The following ARL15 variants were observed in gnomAD, a reference collection of about 807,000 sequenced individuals.
ARL15 encodes the protein ARF like GTPase 15.
ARL15 carries 19 observed loss-of-function variants against 25.2 expected under a neutral mutation model. That is an observed-to-expected ratio of 0.75 (90% CI 0.53 to 1.10). The LOEUF (loss-of-function observed/expected upper bound fraction) is 1.10, where lower values mean the gene tolerates loss of function less well. Among genes scored for constraint, ARL15 ranks in the 50% least tolerant of loss-of-function variants. The pLI, the probability that ARL15 is intolerant of heterozygous loss-of-function variation, is 0.00. For synonymous variants in ARL15, 94 were observed against 86.8 expected, an observed-to-expected ratio of 1.08 and a Z score of -0.46; for missense variants, 220 against 246.0, an observed-to-expected ratio of 0.89 and a Z score of 0.71.
chr5:54,211,590 C>G (rs1756044187), intron 1 of ARL15, among the ~76,000 whole-genome samples: 1 of 151,100 alleles, frequency 6.6e-6, no homozygotes, highest in Admixed American at 6.6e-5. Flanking sequence ...CCTGCCTCAG[C>G]CTCGCGAGTA....
intron 4 of ARL15, among the ~76,000 whole-genome samples, chr5:54,085,912 CAT>C (rs1561218188): frequency 2.1e-5 from 3 of 144,114 alleles, no homozygotes; most frequent in African/African-American, 8.0e-5. Context: ...AGGCACCACA[CAT>C]GAGCTTTTTT....
At chr5:54,198,643 A>C (rs1755626831) in intron 1 of ARL15, among the ~76,000 whole-genome samples, 1 of 150,372 alleles carries the variant, frequency 6.7e-6, no homozygotes, top group Non-Finnish European at 1.5e-5. Context: ...AATGAAATAA[A>C]AGAGGATACA....
chr5:53,956,681 T>C (rs1338751021), intron 4 of ARL15, among the ~76,000 whole-genome samples: 1 of 151,252 alleles, frequency 6.6e-6, no homozygotes, highest in Non-Finnish European at 1.5e-5. Flanking sequence ...GAGACAGAAA[T>C]TATAAAAAGG....
chr5:53,971,001 G>T (rs1219702240), intron 4 of ARL15, among the ~76,000 whole-genome samples: 1 of 152,144 alleles, frequency 6.6e-6, no homozygotes, highest in African/African-American at 2.4e-5. Flanking sequence ...GGAAAAAAGA[G>T]AGAGAAAAGT....
At chr5:54,265,982 G>A (rs925772820) in intron 1 of ARL15, among the ~76,000 whole-genome samples, 3 of 152,196 alleles carry the variant, frequency 2.0e-5, no homozygotes, top group Non-Finnish European at 4.4e-5. Context: ...GAGATGTTAA[G>A]TGACTTGCCC....
intron 4 of ARL15, among the ~76,000 whole-genome samples, chr5:53,906,127 T>C (rs1378538783): frequency 6.6e-6 from 1 of 152,162 alleles, no homozygotes; most frequent in East Asian, 1.9e-4. Flanking sequence ...TCAATTATAG[T>C]TTTCATAAAA....
chr5:53,938,588 G>A (rs1427335679), intron 4 of ARL15, among the ~76,000 whole-genome samples: 3 of 152,180 alleles, frequency 2.0e-5, no homozygotes, highest in African/African-American at 7.2e-5. Flanking sequence ...GCACTTGGGA[G>A]ACCAAGACAG....
intron 1 of ARL15, among the ~76,000 whole-genome samples, chr5:54,283,811 G>A (rs1046423298): frequency 6.6e-6 from 1 of 152,188 alleles, no homozygotes; most frequent in Non-Finnish European, 1.5e-5. Flanking sequence ...CTTTCTTGGG[G>A]TTAAGTGTTG....
intron 1 of ARL15, among the ~76,000 whole-genome samples, chr5:54,289,506 C>T (rs1758269392): frequency 6.6e-6 from 1 of 152,214 alleles, no homozygotes; most frequent in South Asian, 2.1e-4. Context: ...TTCCCAAACC[C>T]CTTGCATAGG....
intron 1 of ARL15, among the ~76,000 whole-genome samples, chr5:54,214,265 A>G (rs574855724): frequency 3.3e-5 from 5 of 152,202 alleles, no homozygotes; most frequent in Non-Finnish European, 7.3e-5. Context: ...ACTGGAGTAG[A>G]TAAGAGATAT....
At chr5:54,206,965 G>A (rs544681199) in intron 1 of ARL15, among the ~76,000 whole-genome samples, 1 of 152,306 alleles carries the variant, frequency 6.6e-6, no homozygotes, top group African/African-American at 2.4e-5. Flanking sequence ...AACTGGAAAG[G>A]CTCGTCTAGT....
chr5:53,894,726 G>C (rs532855073), intron 4 of ARL15, among the ~76,000 whole-genome samples: 1 of 152,224 alleles, frequency 6.6e-6, no homozygotes, highest in South Asian at 2.1e-4. Flanking sequence ...CCAGGCCTTT[G>C]CTCCAACTAC....
chr5:53,910,624 AAAAAAAAAT>A (rs1326094196), intron 4 of ARL15, among the ~76,000 whole-genome samples: 1 of 4,566 alleles, frequency 2.2e-4, no homozygotes, highest in African/African-American at 3.1e-4. Flanking sequence ...AAAGTATAAT[AAAAAAAAAT>A]TATATATATA....
intron 4 of ARL15, among the ~76,000 whole-genome samples, chr5:53,999,800 G>C (rs149161818): frequency 0.016 from 2,465 of 151,210 alleles, 88 homozygotes; most frequent in African/African-American, 0.056. Context: ...GGAGGCTGAG[G>C]CAGGAGAATC....
At chr5:54,034,768 C>T (rs1029810469) in intron 4 of ARL15, among the ~76,000 whole-genome samples, 10 of 152,078 alleles carry the variant, frequency 6.6e-5, no homozygotes, top group African/African-American at 2.2e-4. Context: ...AAGCAATCTT[C>T]GCACCTCAGC....
intron 4 of ARL15, among the ~76,000 whole-genome samples, chr5:54,103,856 C>A (rs768578211): frequency 2.6e-5 from 4 of 152,114 alleles, no homozygotes; most frequent in African/African-American, 9.7e-5. Flanking sequence ...ATGTGATTTT[C>A]GTATTTGTGC....
At chr5:54,075,098 G>A (rs1751555327) in intron 4 of ARL15, among the ~76,000 whole-genome samples, 1 of 47,578 alleles carries the variant, frequency 2.1e-5, no homozygotes, top group African/African-American at 6.4e-5. Context: ...AAAAAGTCCT[G>A]GCCTATCATT....
At chr5:53,931,367 A>C (rs1746190684) in intron 4 of ARL15, among the ~76,000 whole-genome samples, 1 of 152,246 alleles carries the variant, frequency 6.6e-6, no homozygotes, top group African/African-American at 2.4e-5. Flanking sequence ...TGTTTAAAGC[A>C]AATTACTGTC....
chr5:54,301,640 A>G (rs1758618228), intron 1 of ARL15, among the ~76,000 whole-genome samples: 5 of 152,352 alleles, frequency 3.3e-5, no homozygotes. Context: ...ATTTCTGTTT[A>G]GCTCCTGACT....
Sources: gnomAD v4.1 joint callset for allele counts (sites outside exome capture counted in the v4.1 genomes callset) on GRCh38, gnomAD v4.1.1 for gene constraint, MANE v1.5 for transcripts, NCBI Gene and HGNC (gene_info 2026-07-23, HGNC 2026-07-21) for gene names.